Variants in DHX32 observed in about 807,000 individuals in gnomAD.
The protein encoded by DHX32 is putative pre-mRNA-splicing factor ATP-dependent RNA helicase DHX32.
In DHX32, 51 loss-of-function variants were observed where a neutral mutation model predicts 70.0. The ratio of observed to expected loss-of-function variants is 0.73; its 90% CI spans 0.58 to 0.92. The LOEUF (loss-of-function observed/expected upper bound fraction) is 0.92. Ranked by LOEUF, DHX32 falls within the 40% of genes least tolerant of loss-of-function variation. DHX32 has a pLI of 0.00. For synonymous variants in DHX32, 310 were observed against 315.3 expected (o/e 0.98, Z 0.18); for missense variants, 762 against 891.8 (o/e 0.85, Z 1.85).
chr10:125,854,264 A>G, intron 3 of DHX32, 61 bp from the exon 4 acceptor site: 2 of 1,484,978 alleles, frequency 1.3e-6, no homozygotes, highest in Non-Finnish European at 1.8e-6. Flanking sequence ...TATTAAAAAA[A>G]TGTCTGAATT....
At chr10:125,848,846 C>G (rs1436713247) in intron 6 of DHX32, among the ~76,000 whole-genome samples, 1 of 152,184 alleles carries the variant, frequency 6.6e-6, no homozygotes, top group Non-Finnish European at 1.5e-5. Context: ...ACTAATTTAT[C>G]TTAATAACTC....
At chr10:125,877,268 C>T (rs1174632751) in intron 1 of DHX32, among the ~76,000 whole-genome samples, 5 of 152,130 alleles carry the variant, frequency 3.3e-5, no homozygotes, top group East Asian at 1.9e-4. Flanking sequence ...GAACTGAAAT[C>T]GTTTGTTATA....
intron 10 of DHX32, 55 bp downstream of exon 10, chr10:125,838,151 C>A: frequency 1.3e-6 from 2 of 1,484,404 alleles, no homozygotes; most frequent in Non-Finnish European, 1.8e-6. Flanking sequence ...GTCATTTACT[C>A]CTACAGGTAT....
intron 1 of DHX32, among the ~76,000 whole-genome samples, chr10:125,878,082 G>T (rs1254670088): frequency 1.3e-5 from 2 of 152,118 alleles, no homozygotes; most frequent in Non-Finnish European, 2.9e-5. Flanking sequence ...ACAAAAACTT[G>T]AAGTCCAAAT....
At chr10:125,845,399 G>A (rs1045874409) in intron 6 of DHX32, among the ~76,000 whole-genome samples, 2 of 152,210 alleles carry the variant, frequency 1.3e-5, no homozygotes, top group Non-Finnish European at 2.9e-5. Context: ...TTATGCAAAT[G>A]TATGCCAACA....
At position 125,866,280 on chromosome 10, in the gene DHX32, CTTT is replaced by C. The variant is rs1016877125; in HGVS notation, c.476+707_476+709del. On this transcript the variant is annotated intron_variant, in intron 2 of 10. Coordinates refer to ENST00000284690, the MANE Select transcript of DHX32 (RefSeq NM_018180.3). This position sits in a 1 kb window ranked among gnomAD's most constrained non-coding sequence, Gnocchi z 4.8. ...CAGTGATTTTTCCAGTTTCTTTTTCCTTTTTTTTCTTCTTTCAAGCTCTTGGAA... is the reference window on the plus strand; with the variant it reads ...CAGTGATTTTTCCAGTTTCTTTTTCCTTTTTCTTCTTTCAAGCTCTTGGAA... 4.6e-5 allele frequency among the ~76,000 whole-genome samples: 7 copies of C among 152,114 alleles called. No homozygotes were observed. The highest frequency in any genetic ancestry group is 8.8e-5 in the Non-Finnish European group (6 of 68,014).
At chr10:125,874,735 G>A (rs1589716571) in intron 1 of DHX32, among the ~76,000 whole-genome samples, 2 of 152,168 alleles carry the variant, frequency 1.3e-5, no homozygotes, top group East Asian at 3.9e-4. Context: ...ACTGGAATCA[G>A]AGGCATCAGT....
intron 1 of DHX32, among the ~76,000 whole-genome samples, chr10:125,876,148 G>A (rs1391106724): frequency 6.6e-6 from 1 of 152,162 alleles, no homozygotes; most frequent in African/African-American, 2.4e-5. Flanking sequence ...CATGAGGACT[G>A]TTTTCCACAC....
At position 125,855,948 on chromosome 10, in the gene DHX32, C is replaced by G. The variant is rs894961346; in HGVS notation, c.850-1745G>C. Among the ~76,000 whole-genome samples, 13 of 152,170 alleles carry G rather than the reference C, an allele frequency of 8.5e-5. No homozygotes were observed. In the East Asian group the frequency reaches 2.5e-3, roughly 29 times the overall value. On this transcript the variant is annotated intron_variant, in intron 3 of 10. Coordinates refer to ENST00000284690, the MANE Select transcript of DHX32 (RefSeq NM_018180.3). ...GTTGGTTCTAATGTTGAATTTTGTTCCAAATGGCAATAAAAAAGAATTTTT... is the reference window on the plus strand; with the variant it reads ...GTTGGTTCTAATGTTGAATTTTGTTGCAAATGGCAATAAAAAAGAATTTTT...
intron 1 of DHX32, among the ~76,000 whole-genome samples, chr10:125,870,709 T>C (rs1341801929): frequency 6.6e-6 from 1 of 151,906 alleles, no homozygotes; most frequent in Non-Finnish European, 1.5e-5. Context: ...TGGTGGTGGG[T>C]GCCTGTAATC....
intron 6 of DHX32, among the ~76,000 whole-genome samples, chr10:125,845,612 T>C (rs2134034051): frequency 6.6e-6 from 1 of 152,286 alleles, no homozygotes; most frequent in Middle Eastern, 3.4e-3. Context: ...ACCCCCTTTC[T>C]TCCCAATAAG....
At position 125,866,198 on chromosome 10, in the gene DHX32, C is replaced by T. The variant is rs1297984440; in HGVS notation, c.476+792G>A. On this transcript the variant is annotated intron_variant, in intron 2 of 10. Transcript: ENST00000284690. This position sits in a 1 kb window ranked among gnomAD's most constrained non-coding sequence, Gnocchi z 4.8. ...ATTTCCTTGCGGTACTGTATGGATA[C>T]TATCACTTTCTATGATGGCTGTAAT... 6.6e-6 allele frequency among the ~76,000 whole-genome samples: 1 copy of T among 152,244 alleles called. No homozygotes were observed. The highest frequency in any genetic ancestry group is 2.4e-5 in the African/African-American group (1 of 41,464).
chr10:125,882,215 T>C (rs937566584), upstream of DHX32, among the ~76,000 whole-genome samples: 1 of 152,194 alleles, frequency 6.6e-6, no homozygotes, highest in African/African-American at 2.4e-5. Context: ...TAAGCTCCTT[T>C]TCACATTAAC....
intron 7 of DHX32, chr10:125,841,350 A>G (rs1314305100): frequency 1.9e-6 from 3 of 1,614,116 alleles, no homozygotes; most frequent in East Asian, 4.5e-5. Context: ...TTCCCCCAGT[A>G]TTAGAATAAA....
intron 1 of DHX32, among the ~76,000 whole-genome samples, chr10:125,871,137 T>G (rs947999718): frequency 1.9e-4 from 29 of 152,228 alleles, no homozygotes; most frequent in African/African-American, 6.8e-4. Context: ...TTCTCTTTGC[T>G]CATGAAACAC....
At chr10:125,869,331 T>C (rs1282897947) in intron 1 of DHX32, 1 of 152,146 alleles carries the variant, frequency 6.6e-6, no homozygotes, top group East Asian at 1.9e-4. Flanking sequence ...ATCCTAGCAA[T>C]TTGGGAGGCC....
Position 125,880,821 on chromosome 10 carries a change from C to T in DHX32, c.4G>A (p.Glu2Lys). The change falls in exon 1 of 11, where the codon GAA becomes AAA. Residue 2 changes from glutamate to lysine, a missense_variant. This residue lies in a region of DHX32 where 394 missense variants were observed against 473.1 expected (regional missense o/e 0.83). Transcript: ENST00000284690. Reference sequence around the variant, plus strand: ...TTTGGACACTCCAGCCCTTCTTCTTCCATCTTGTCTGACAGTGAGCTCACG... The same window carrying T: ...TTTGGACACTCCAGCCCTTCTTCTTTCATCTTGTCTGACAGTGAGCTCACG... M[E>K]EEGLECPNSS... 6.2e-7 allele frequency: 1 copy of T among 1,609,618 alleles called. No individual in the cohort carries two copies. The highest frequency in any genetic ancestry group is 8.5e-7 in the Non-Finnish European group (1 of 1,178,106).
At chr10:125,845,345 A>T (rs1448832178) in intron 6 of DHX32, among the ~76,000 whole-genome samples, 1 of 152,242 alleles carries the variant, frequency 6.6e-6, no homozygotes, top group Non-Finnish European at 1.5e-5. Flanking sequence ...TAATCTGGCA[A>T]AAATGGCTCA....
chr10:125,839,372 G>A (rs1012313177), intron 8 of DHX32, among the ~76,000 whole-genome samples, 184 bp from the exon 9 acceptor site: 2 of 152,240 alleles, frequency 1.3e-5, no homozygotes, highest in African/African-American at 2.4e-5. Context: ...AGCTGTCAGG[G>A]CACTACCAGG....
Sources: allele counts gnomAD v4.1 joint callset (sites outside exome capture counted in the v4.1 genomes callset), GRCh38; gene constraint gnomAD v4.1.1; regional missense constraint gnomAD v4.1.1; non-coding constraint Gnocchi (gnomAD v3.1); transcripts MANE v1.5; gene names NCBI Gene and HGNC (gene_info 2026-07-23, HGNC 2026-07-21).